Variants in ANOS1 observed in about 807,000 individuals in gnomAD.
ANOS1 encodes the protein anosmin 1.
Under a neutral mutation model 59.0 loss-of-function variants are expected in ANOS1, and 6 were observed. The ratio of observed to expected loss-of-function variants is 0.10; its 90% confidence interval spans 0.06 to 0.20. The LOEUF (loss-of-function observed/expected upper bound fraction) is 0.20, where lower values mean the gene tolerates loss of function less well. Among genes scored for constraint, ANOS1 ranks in the 10% least tolerant of loss-of-function variants. The pLI is 1.00. For synonymous variants in ANOS1, 217 were observed against 223.4 expected, an observed-to-expected ratio of 0.97 and a Z score of 0.25; for missense variants, 433 against 542.3, an observed-to-expected ratio of 0.80 and a Z score of 2.00.
rs372312416 is a variant in ANOS1 at position 8,654,301 on chromosome X, C to T, written c.256-30631G>A. Among the ~76,000 whole-genome samples, 51 of 111,805 alleles carry T rather than the reference C, an allele frequency of 4.6e-4. No homozygotes were observed. In the South Asian group the frequency reaches 0.019, roughly 41 times the overall value. On this transcript the variant is annotated intron_variant, in intron 2 of 13. Transcript: ENST00000262648. ...CCAATAAAATTAAGTACGAATGTTC[C>T]CCAGCAAAGACAATCTGTGCTCTGC...
intron 1 of ANOS1, among the ~76,000 whole-genome samples, chrX:8,700,100 G>A (rs1337827515): frequency 8.9e-6 from 1 of 112,337 alleles, no homozygotes; most frequent in Non-Finnish European, 1.9e-5. Flanking sequence ...TACAACTTAA[G>A]CATTGTGGAT....
chrX:8,637,559 T>C (rs1377161541), intron 2 of ANOS1, among the ~76,000 whole-genome samples: 1 of 112,178 alleles, frequency 8.9e-6, no homozygotes, highest in Non-Finnish European at 1.9e-5. Flanking sequence ...CCATCCAATA[T>C]GGCAGCCAGC....
At chrX:8,714,326 G>A (rs1413408949) in intron 1 of ANOS1, among the ~76,000 whole-genome samples, 5 of 111,735 alleles carry the variant, frequency 4.5e-5, no homozygotes, top group African/African-American at 1.6e-4. Flanking sequence ...TACATAACAA[G>A]TCATTCCCAC....
chrX:8,619,092 A>G (rs1262093546), intron 3 of ANOS1, among the ~76,000 whole-genome samples: 1 of 92,489 alleles, frequency 1.1e-5, no homozygotes. Context: ...AAAAAAAAAA[A>G]AAAAAAAAAG....
chrX:8,639,869 T>A (rs1018355806), intron 2 of ANOS1, among the ~76,000 whole-genome samples: 2 of 111,379 alleles, frequency 1.8e-5, no homozygotes, highest in African/African-American at 6.5e-5. Context: ...TTGCTCTTTG[T>A]TAATGAGCAA....
intron 2 of ANOS1, among the ~76,000 whole-genome samples, chrX:8,689,036 T>C (rs1029382883): frequency 1.1e-4 from 12 of 111,727 alleles, no homozygotes; most frequent in Admixed American, 8.6e-4. Flanking sequence ...CAGGGGGCAG[T>C]GACAGATGGA....
intron 3 of ANOS1, among the ~76,000 whole-genome samples, chrX:8,615,066 C>A (rs1311886907): frequency 9.1e-6 from 1 of 110,257 alleles, no homozygotes; most frequent in Non-Finnish European, 1.9e-5. Context: ...TTCCACTTTA[C>A]TACTACTACG....
At chrX:8,723,238 G>A (rs1006325115) in intron 1 of ANOS1, among the ~76,000 whole-genome samples, 3 of 112,361 alleles carry the variant, frequency 2.7e-5, no homozygotes, top group Admixed American at 9.4e-5. Context: ...GAGCTTTTGC[G>A]CGGCAAAAAG....
intron 3 of ANOS1, among the ~76,000 whole-genome samples, chrX:8,600,079 T>G (rs985487479): frequency 8.9e-6 from 1 of 112,258 alleles, no homozygotes. Context: ...TAAATGATTC[T>G]CCACTGTCTC....
intron 6 of ANOS1, among the ~76,000 whole-genome samples, chrX:8,571,717 T>A (rs1204376498): frequency 8.9e-6 from 1 of 111,745 alleles, no homozygotes; most frequent in Non-Finnish European, 1.9e-5. Context: ...ATACCAAAGC[T>A]GGAGGGTCTT....
chrX:8,608,518 C>T (rs1326586401), intron 3 of ANOS1, among the ~76,000 whole-genome samples: 2 of 111,793 alleles, frequency 1.8e-5, no homozygotes, highest in African/African-American at 6.5e-5. Flanking sequence ...TCATATTTTA[C>T]CTCTTAGAGA....
At chrX:8,668,868 G>A (rs780577666) in intron 2 of ANOS1, among the ~76,000 whole-genome samples, 7 of 111,207 alleles carry the variant, frequency 6.3e-5, no homozygotes, top group Middle Eastern at 4.7e-3. Flanking sequence ...TTGACTGATC[G>A]ACTTTGAGTC....
At chrX:8,569,507 T>A (rs1251981346) in intron 7 of ANOS1, among the ~76,000 whole-genome samples, 1 of 111,267 alleles carries the variant, frequency 9.0e-6, no homozygotes, top group Non-Finnish European at 1.9e-5. Flanking sequence ...CTGGGTGTGG[T>A]GGCGGGCGCC....
chrX:8,659,383 C>A lies in ANOS1; in HGVS notation c.256-35713G>T, dbSNP rs186035071. ...CTATAATTGTGCCACTGCACTCCAG[C>A]CTGAGCGACAGAGTGAGACTCTTTC... is the stretch of plus-strand genomic sequence containing the variant. On this transcript the variant is annotated intron_variant, in intron 2 of 13. Transcript: ENST00000262648. 3.1e-3 allele frequency among the ~76,000 whole-genome samples: 344 copies of A among 110,754 alleles called. 2 individuals carry two copies. Among genetic ancestry groups the A allele is most frequent in the African/African-American group, 0.011 (331 of 30,453 alleles).
Position 8,529,197 on chromosome X carries a change from C to G in ANOS1, c.*3798G>C, listed in dbSNP as rs139104038. The G allele has an allele frequency of 9.0e-6, 1 of 111,551 alleles. No homozygotes were observed. The highest frequency in any genetic ancestry group is 1.9e-5 in the Non-Finnish European group (1 of 53,168). The allele number at this position is 111,551 out of a possible 1,213,427, so 9.2% of individuals were successfully genotyped here. On this transcript the variant is annotated 3_prime_UTR_variant, in exon 14 of 14. Coordinates refer to ENST00000262648, the MANE Select transcript of ANOS1 (RefSeq NM_000216.4). ...GGGAAAAGTAACTTTATATAGACCT[C>G]TGTTAATCACTCCGTAAATCATATA...
intron 1 of ANOS1, 46 bp downstream of exon 1, chrX:8,731,784 C>A: frequency 8.6e-7 from 1 of 1,159,143 alleles, no homozygotes; most frequent in Admixed American, 2.5e-5. Flanking sequence ...GCGCCCACGC[C>A]GCGGCCGCAG....
At chrX:8,722,497 C>T (rs1431429638) in intron 1 of ANOS1, among the ~76,000 whole-genome samples, 1 of 111,433 alleles carries the variant, frequency 9.0e-6, no homozygotes, top group East Asian at 2.8e-4. Context: ...CAATAATGGT[C>T]TCCAATCCCA....
At chrX:8,553,321 A>AG (rs57084172) in intron 9 of ANOS1, among the ~76,000 whole-genome samples, 13,105 of 111,764 alleles carry the variant, frequency 0.12, 1,854 homozygotes, top group African/African-American at 0.41. Flanking sequence ...GAAATTCTAA[A>AG]GAACTGAAAT....
At chrX:8,558,443 AC>A (rs773430604) in intron 8 of ANOS1, among the ~76,000 whole-genome samples, 3 of 107,369 alleles carry the variant, frequency 2.8e-5, no homozygotes, top group South Asian at 4.1e-4. Flanking sequence ...AAGTTAATGA[AC>A]CCCCCCTTCA....
Sources: allele counts gnomAD v4.1 joint callset (sites outside exome capture counted in the v4.1 genomes callset), GRCh38; gene constraint gnomAD v4.1.1; transcripts MANE v1.5; gene names NCBI Gene and HGNC (gene_info 2026-07-23, HGNC 2026-07-21).